EXOC6B: variants seen among roughly 807,000 people sequenced by gnomAD.
EXOC6B encodes the protein exocyst complex component 6B, also known as SEC15 homolog B.
EXOC6B carries 54 observed loss-of-function variants against 113.5 expected under a neutral mutation model. The ratio of observed to expected loss-of-function variants is 0.48; its 90% confidence interval spans 0.38 to 0.60. The LOEUF is 0.60. EXOC6B is among the 20% of genes least tolerant of loss of function. The pLI is 0.00. For missense variants in EXOC6B, 797 were observed against 977.5 expected, an observed-to-expected ratio of 0.82 and a Z score of 2.46; for synonymous variants, 357 against 339.0, an observed-to-expected ratio of 1.05 and a Z score of -0.58.
chr2:72,227,777 A>G (rs1483495380), intron 20 of EXOC6B, among the ~76,000 whole-genome samples: 1 of 152,216 alleles, frequency 6.6e-6, no homozygotes, highest in South Asian at 2.1e-4. Context: ...ACTTAAATCT[A>G]TATGTCTTCT....
At chr2:72,200,251 G>T (rs1482383228) in intron 20 of EXOC6B, among the ~76,000 whole-genome samples, 7 of 152,008 alleles carry the variant, frequency 4.6e-5, no homozygotes, top group African/African-American at 1.7e-4. Flanking sequence ...CTGTAGCCCT[G>T]GATTTGTCAT....
intron 19 of EXOC6B, among the ~76,000 whole-genome samples, chr2:72,359,651 T>C (rs1288281252): frequency 6.6e-6 from 1 of 152,118 alleles, no homozygotes; most frequent in Non-Finnish European, 1.5e-5. Context: ...AAGTAGAATG[T>C]TTGGAATTAG....
rs960637332 is a variant in EXOC6B, at chr2:72,508,772, CA to C, written c.1167+4359del. On this transcript the variant is annotated intron_variant, in intron 11 of 21. Coordinates refer to ENST00000272427, the MANE Select transcript of EXOC6B (RefSeq NM_015189.3). The stretch of plus-strand genomic sequence containing the variant: ...CTGGGTGACAGGCAAGACTCTGTCT[CA>C]AAAAAGTAAATAAATAAATAAAAAT... Among the ~76,000 whole-genome samples, 33 of 151,308 alleles carry C rather than the reference CA, an allele frequency of 2.2e-4. 1 individual carries two copies. Among genetic ancestry groups the C allele is most frequent in the African/African-American group, 7.0e-4 (29 of 41,248 alleles).
At chr2:72,190,354 T>C (rs1678747118) in intron 20 of EXOC6B, among the ~76,000 whole-genome samples, 1 of 126,188 alleles carries the variant, frequency 7.9e-6, no homozygotes, top group Non-Finnish European at 1.6e-5. Flanking sequence ...TCAATATGGT[T>C]GTGTTTTTCT....
At chr2:72,485,589 CCTAAAATA>C (rs758551903) in intron 16 of EXOC6B, among the ~76,000 whole-genome samples, 72 of 152,132 alleles carry the variant, frequency 4.7e-4, no homozygotes, top group Admixed American at 3.2e-3. Context: ...GATTAAAATA[CCTAAAATA>C]CTAAAATACA....
intron 19 of EXOC6B, among the ~76,000 whole-genome samples, chr2:72,372,641 C>T (rs535479198): frequency 7.2e-5 from 11 of 151,986 alleles, no homozygotes; most frequent in African/African-American, 1.9e-4. Flanking sequence ...GTCAGGAGAT[C>T]GAGACCATCC....
chr2:72,533,577 C>CA (rs1304218561), intron 8 of EXOC6B, among the ~76,000 whole-genome samples: 2 of 152,162 alleles, frequency 1.3e-5, no homozygotes, highest in African/African-American at 4.8e-5. Flanking sequence ...TTTTCTAAGC[C>CA]AAAACCAATG....
At chr2:72,694,575 T>C (rs1677730384) in intron 6 of EXOC6B, among the ~76,000 whole-genome samples, 1 of 152,224 alleles carries the variant, frequency 6.6e-6, no homozygotes, top group Admixed American at 6.5e-5. Flanking sequence ...AAACAAATGT[T>C]CAATGGGAAT....
intron 11 of EXOC6B, among the ~76,000 whole-genome samples, chr2:72,502,492 G>A (rs568373359): frequency 6.6e-6 from 1 of 152,218 alleles, no homozygotes; most frequent in East Asian, 1.9e-4. Context: ...AGGTTGCAGT[G>A]AGCAGAGATT....
At chr2:72,352,640 T>C (rs188165384) in intron 19 of EXOC6B, among the ~76,000 whole-genome samples, 11 of 151,726 alleles carry the variant, frequency 7.2e-5, no homozygotes, top group Middle Eastern at 3.4e-3. Flanking sequence ...ATCTGTTAAA[T>C]GTTGGCATGC....
intron 20 of EXOC6B, among the ~76,000 whole-genome samples, chr2:72,222,534 A>AAC (rs1680941098): frequency 6.6e-6 from 1 of 152,182 alleles, no homozygotes; most frequent in Non-Finnish European, 1.5e-5. Context: ...AACAAATAAA[A>AAC]TGCCCTGGAC....
intron 11 of EXOC6B, among the ~76,000 whole-genome samples, chr2:72,506,737 T>C (rs1195536243): frequency 6.6e-6 from 1 of 152,154 alleles, no homozygotes; most frequent in East Asian, 1.9e-4. Context: ...AGAACGGCCA[T>C]TCTATTTGTT....
At chr2:72,215,447 T>A (rs986618513) in intron 20 of EXOC6B, among the ~76,000 whole-genome samples, 1 of 152,254 alleles carries the variant, frequency 6.6e-6, no homozygotes, top group Non-Finnish European at 1.5e-5. Context: ...CTAAACCTAA[T>A]TTCCAAGAAA....
At chr2:72,604,654 C>T (rs1329561975) in intron 6 of EXOC6B, among the ~76,000 whole-genome samples, 1 of 152,186 alleles carries the variant, frequency 6.6e-6, no homozygotes, top group Admixed American at 6.5e-5. Flanking sequence ...ATGTGCATAA[C>T]TCATGTACAT....
At position 72,176,049 on chromosome 2, in the gene EXOC6B, A is replaced by C. The variant is rs751150075; in HGVS notation, c.*3286T>G. 1 of 152,230 alleles carries C rather than the reference A, an allele frequency of 6.6e-6. No homozygotes were observed. The highest frequency in any genetic ancestry group is 1.5e-5 in the Non-Finnish European group (1 of 68,044). The allele number at this position is 152,230 out of a possible 1,614,324, so 9.4% of individuals were successfully genotyped here. A position where few individuals can be genotyped will look rare whatever the true frequency, so the allele number is the denominator to read the frequency against. ...CAGTTAAAAGAGGAAAATGTACAAG[A>C]GGAATAAACATGCTCTTTTCACAGA... On this transcript the variant is annotated 3_prime_UTR_variant, in exon 22 of 22. Transcript: ENST00000272427.
intron 20 of EXOC6B, among the ~76,000 whole-genome samples, chr2:72,328,741 C>T (rs1688274074): frequency 6.6e-6 from 1 of 152,108 alleles, no homozygotes; most frequent in African/African-American, 2.4e-5. Context: ...TTCTTCTAAC[C>T]ACCAAATGCC....
At chr2:72,570,572 C>T (rs775978148) in intron 7 of EXOC6B, among the ~76,000 whole-genome samples, 3 of 152,250 alleles carry the variant, frequency 2.0e-5, no homozygotes, top group African/African-American at 7.2e-5. Flanking sequence ...GTGACCCATA[C>T]TCTATGACAA....
chr2:72,462,446 C>A (rs774379606), intron 18 of EXOC6B: 3 of 151,830 alleles, frequency 2.0e-5, no homozygotes, highest in African/African-American at 7.3e-5. Context: ...AATTTAATCC[C>A]CAATGCAACT....
At chr2:72,789,739 A>C (rs1321945993) in intron 1 of EXOC6B, among the ~76,000 whole-genome samples, 1 of 152,160 alleles carries the variant, frequency 6.6e-6, no homozygotes, top group Non-Finnish European at 1.5e-5. Flanking sequence ...ATAGAGGAAA[A>C]ATGTATATAG....
Sources: allele counts gnomAD v4.1 joint callset (sites outside exome capture counted in the v4.1 genomes callset), GRCh38; gene constraint gnomAD v4.1.1; transcripts MANE v1.5; gene names NCBI Gene and HGNC (gene_info 2026-07-23, HGNC 2026-07-21).